RCVRN: variants seen among roughly 807,000 people sequenced by gnomAD.
The protein encoded by RCVRN is cancer associated retinopathy antigen.
A neutral mutation model predicts 20.4 loss-of-function variants in RCVRN; 23 were observed. The observed-to-expected ratio is 1.13, with a 90% CI of 0.81 to 1.60. RCVRN has a LOEUF of 1.60. Among genes scored for constraint, RCVRN ranks in the 40% most tolerant of loss-of-function variants. The pLI, the probability that RCVRN is intolerant of heterozygous loss-of-function variation, is 0.00. For synonymous variants in RCVRN, 105 were observed against 105.9 expected (o/e 0.99, Z 0.05); for missense variants, 254 against 254.2 (o/e 1.00, Z 0.00).
intron 1 of RCVRN, among the ~76,000 whole-genome samples, chr17:9,903,831 A>G (rs2067351488): frequency 6.6e-6 from 1 of 152,174 alleles, no homozygotes; most frequent in South Asian, 2.1e-4. Flanking sequence ...TAGGCTACAA[A>G]CCTGTGCAGC....
rs914526512 is a variant in RCVRN at position 9,904,990 on chromosome 17, G to A, written c.191C>T (p.Ala64Val). ...AKFFPDTDPK[A>V]YAQHVFRSFD... The stretch of plus-strand genomic sequence containing the variant: ...GCTGCGGAACACATGCTGGGCGTAG[G>A]CCTTGGGGTCGGTGTCGGGGAAGAA... The change falls in exon 1 of 3, where the codon GCC becomes GTC. Residue 64 changes from alanine to valine, a missense_variant. Coordinates refer to ENST00000226193, the MANE Select transcript of RCVRN (RefSeq NM_002903.3). The surrounding 1 kb of genome is among the most constrained non-coding windows in gnomAD (Gnocchi z 5.8). The A allele has an allele frequency of 6.2e-7, 1 of 1,614,078 alleles. No homozygotes were observed. The highest frequency in any genetic ancestry group is 2.2e-5 in the East Asian group (1 of 44,884).
chr17:9,905,100 C>A lies in RCVRN; in HGVS notation c.81G>T (p.Glu27Asp), dbSNP rs1177104213. 1.8e-5 allele frequency: 29 copies of A among 1,609,850 alleles called. No homozygotes were observed. Among genetic ancestry groups the A allele is most frequent in the Non-Finnish European group, 2.4e-5 (28 of 1,178,250 alleles). Reference sequence around the variant, plus strand: ...GGAAGGACTGGTACCAGGAGCACAGCTCCTCCTCCGAGAACTTGGTGTTCA... The same window carrying A: ...GGAAGGACTGGTACCAGGAGCACAGATCCTCCTCCGAGAACTTGGTGTTCA... ...LQLNTKFSEE[E>D]LCSWYQSFLK... Residue 27 changes from glutamate (E) to aspartate (D), a missense_variant, in exon 1 of 3, where the codon GAG becomes GAT. Physicochemically the swap from Glu to Asp is conservative, Grantham distance 45. Coordinates refer to ENST00000226193, the MANE Select transcript of RCVRN (RefSeq NM_002903.3).
In RCVRN at chr17:9,898,172, T is replaced by TC; in HGVS notation, c.525dup (p.Thr176AspfsTer5). On this transcript the variant is annotated frameshift_variant, in exon 3 of 3. Transcript: ENST00000226193. Reference sequence around the variant, plus strand: ...CGCAGAATTTCCTTATTGGCCAGTGTCCCCTCAATGAATTCTTTCTCTGTA... The same window carrying TC: ...CGCAGAATTTCCTTATTGGCCAGTGTCCCCCTCAATGAATTCTTTCTCTGTA... The TC allele has an allele frequency of 6.2e-7, 1 of 1,613,496 alleles. No individual in the cohort carries two copies. Among genetic ancestry groups the TC allele is most frequent in the Non-Finnish European group, 8.5e-7 (1 of 1,179,426 alleles).
rs2067319928 is a variant in RCVRN at position 9,897,041 on chromosome 17, A to G, written c.*1054T>C. The G allele has an allele frequency of 6.6e-6, 1 of 152,286 alleles. No homozygotes were observed. The allele number at this position is 152,286 out of a possible 1,614,324, so 9.4% of individuals were successfully genotyped here. ...TCTGAGTGGCTGCAAAAGCTTATTCATCGGGCTCCCTGACTCCAGGGAGCC... is the reference window on the plus strand; with the variant it reads ...TCTGAGTGGCTGCAAAAGCTTATTCGTCGGGCTCCCTGACTCCAGGGAGCC... On this transcript the variant is annotated 3_prime_UTR_variant, in exon 3 of 3. Coordinates refer to ENST00000226193, the MANE Select transcript of RCVRN (RefSeq NM_002903.3).
At position 9,899,762 on chromosome 17, in the gene RCVRN, C is replaced by T. The variant is rs916374683; in HGVS notation, c.493+1227G>A. ...TGAGTGCATTGTTGACCCCTGAGAA[C>T]GAGCGCCTCCTTAAATTCTGTGTCC... On this transcript the variant is annotated intron_variant, in intron 2 of 2. Coordinates refer to ENST00000226193, the MANE Select transcript of RCVRN (RefSeq NM_002903.3). The surrounding 1 kb of genome is among the most constrained non-coding windows in gnomAD (Gnocchi z 4.6). Among the ~76,000 whole-genome samples the T allele has an allele frequency of 1.3e-5, 2 of 152,180 alleles. No homozygotes were observed. Among genetic ancestry groups the T allele is most frequent in the East Asian group, 1.9e-4 (1 of 5,188 alleles).
In RCVRN at chr17:9,905,132, G is replaced by T. The variant is rs770919366; in HGVS notation, c.49C>A (p.Leu17Met). ...TCCGAGAACTTGGTGTTCAGCTGCA[G>T]CTCCTCCAGGATCTCCTTGGACAGG... ...GALSKEILEE[L>M]QLNTKFSEEE... Residue 17 changes from leucine (L) to methionine (M), a missense_variant, in exon 1 of 3, where the codon CTG becomes ATG. By Grantham distance (15) the Leu-to-Met change is conservative (BLOSUM62 2). Transcript: ENST00000226193. The T allele has an allele frequency of 6.2e-7, 1 of 1,610,830 alleles. No homozygotes were observed. The highest frequency in any genetic ancestry group is 8.5e-7 in the Non-Finnish European group (1 of 1,178,826).
rs56190408 is a variant in RCVRN at position 9,899,702 on chromosome 17, C to T, written c.493+1287G>A. ...GGGAAAGGTGGGTAAAGTACCAAGG[C>T]GCGAATTTAAGGAGGCGCTCACTTT... On this transcript the variant is annotated intron_variant, in intron 2 of 2. Coordinates refer to ENST00000226193, the MANE Select transcript of RCVRN (RefSeq NM_002903.3). This position sits in a 1 kb window ranked among gnomAD's most constrained non-coding sequence, Gnocchi z 4.6. Among the ~76,000 whole-genome samples, 7,838 of 152,258 alleles carry T rather than the reference C, an allele frequency of 0.051. 221 individuals carry two copies. Among genetic ancestry groups the T allele is most frequent in the South Asian group, 0.074 (356 of 4,820 alleles).
chr17:9,899,806 A>G lies in RCVRN; in HGVS notation c.493+1183T>C, dbSNP rs770396342. ...TGTGTCCTATGTTCCTCCTACCCCA[A>G]TGACCTTCATGCTTCTCTTATTTCA... On this transcript the variant is annotated intron_variant, in intron 2 of 2. Coordinates refer to ENST00000226193, the MANE Select transcript of RCVRN (RefSeq NM_002903.3). This position sits in a 1 kb window ranked among gnomAD's most constrained non-coding sequence, Gnocchi z 4.6. Among the ~76,000 whole-genome samples, 1 of 152,158 alleles carries G rather than the reference A, an allele frequency of 6.6e-6. No individual in the cohort carries two copies. The highest frequency in any genetic ancestry group is 1.5e-5 in the Non-Finnish European group (1 of 68,008).
At chr17:9,898,591 A>G (rs2152054065) in intron 2 of RCVRN, among the ~76,000 whole-genome samples, 1 of 152,342 alleles carries the variant, frequency 6.6e-6, no homozygotes, top group African/African-American at 2.4e-5. Context: ...TTCAAGGATC[A>G]AGTTCAGGAG....
At chr17:9,903,152 A>G (rs1444440520) in intron 1 of RCVRN, among the ~76,000 whole-genome samples, 3 of 152,250 alleles carry the variant, frequency 2.0e-5, no homozygotes, top group Non-Finnish European at 4.4e-5. Context: ...GTATATACTG[A>G]TATACTAAGA....
Position 9,904,904 on chromosome 17 carries a change from T to C in RCVRN, c.277A>G (p.Thr93Ala), listed in dbSNP as rs1597416458. Residue 93 changes from threonine to alanine, a missense_variant, in exon 1 of 3, where the codon ACC becomes GCC. By Grantham distance (58) the Thr-to-Ala change is moderately conservative (BLOSUM62 0). Coordinates refer to ENST00000226193, the MANE Select transcript of RCVRN (RefSeq NM_002903.3). This position sits in a 1 kb window ranked among gnomAD's most constrained non-coding sequence, Gnocchi z 5.8. ...TTCTGGTTGGTCTTGCCCGCGGTGG[T>C]CATGTGCAGGGCGATGACGTACTCC... is the stretch of plus-strand genomic sequence containing the variant. Reference protein sequence around the residue: ...FKEYVIALHMTTAGKTNQKLE... With the variant: ...FKEYVIALHMATAGKTNQKLE... 6.2e-7 allele frequency: 1 copy of C among 1,614,134 alleles called. No homozygotes were observed. The highest frequency in any genetic ancestry group is 8.5e-7 in the Non-Finnish European group (1 of 1,180,018).
chr17:9,897,930 G>A lies in RCVRN; in HGVS notation c.*165C>T. The A allele has an allele frequency of 1.6e-6, 1 of 613,504 alleles. No individual in the cohort carries two copies. The highest frequency in any genetic ancestry group is 2.9e-6 in the Non-Finnish European group (1 of 341,644). The allele number at this position is 613,504 out of a possible 1,614,324, so 38.0% of individuals were successfully genotyped here. A position where few individuals can be genotyped will look rare whatever the true frequency, so the allele number is the denominator to read the frequency against. ...TCACTACAGATGCTTCAGTTTGGCA[G>A]GGAGCTGTGCTGTGGGCTTGTGTGC... On this transcript the variant is annotated 3_prime_UTR_variant, in exon 3 of 3. Coordinates refer to ENST00000226193, the MANE Select transcript of RCVRN (RefSeq NM_002903.3).
rs749325346 is a variant in RCVRN at position 9,904,927 on chromosome 17, T to A, written c.254A>T (p.Glu85Val). The change falls in exon 1 of 3, where the codon GAG becomes GTG. Residue 85 changes from glutamate (E) to valine (V), a missense_variant. Glu to Val is a moderately radical substitution (Grantham distance 121). Coordinates refer to ENST00000226193, the MANE Select transcript of RCVRN (RefSeq NM_002903.3). The surrounding 1 kb of genome is among the most constrained non-coding windows in gnomAD (Gnocchi z 5.8). ...GGTCATGTGCAGGGCGATGACGTAC[T>A]CCTTGAAGTCCAGGGTGCCGTCGAG... ...SNLDGTLDFK[E>V]YVIALHMTTA... 23 of 1,614,096 alleles carry A rather than the reference T, an allele frequency of 1.4e-5. No homozygotes were observed. Among genetic ancestry groups the A allele is most frequent in the Non-Finnish European group, 1.9e-5 (22 of 1,180,044 alleles).
rs994805694 is a variant in RCVRN at position 9,899,049 on chromosome 17, G to A, written c.494-845C>T. On this transcript the variant is annotated intron_variant, in intron 2 of 2. Transcript: ENST00000226193. This position sits in a 1 kb window ranked among gnomAD's most constrained non-coding sequence, Gnocchi z 4.6. ...GAGGCGGGGTGTACAATAGAAGAGA[G>A]TGAGATGAAGTCCCTCCCTGGGAAA... Among the ~76,000 whole-genome samples, 10 of 152,184 alleles carry A rather than the reference G, an allele frequency of 6.6e-5. No individual in the cohort carries two copies. The highest frequency in any genetic ancestry group is 1.5e-5 in the Non-Finnish European group (1 of 68,030).
At position 9,896,466 on chromosome 17, in the gene RCVRN, G is replaced by A. The variant is rs1342430253; in HGVS notation, c.*1629C>T. ...AACTAGAGACTCCTCAGCCTCAAGA[G>A]GTTGCAGACAGGTCAGTCAAGAATC... is the stretch of plus-strand genomic sequence containing the variant. On this transcript the variant is annotated 3_prime_UTR_variant, in exon 3 of 3. Coordinates refer to ENST00000226193, the MANE Select transcript of RCVRN (RefSeq NM_002903.3). 6.6e-6 allele frequency: 1 copy of A among 152,214 alleles called. No homozygotes were observed. Among genetic ancestry groups the A allele is most frequent in the Non-Finnish European group, 1.5e-5 (1 of 68,040 alleles). The allele number at this position is 152,214 out of a possible 1,614,324, so 9.4% of individuals were successfully genotyped here.
At chr17:9,900,029 T>C (rs2067334589) in intron 2 of RCVRN, among the ~76,000 whole-genome samples, 1 of 151,900 alleles carries the variant, frequency 6.6e-6, no homozygotes, top group South Asian at 2.1e-4. Context: ...AAAGTCTTCA[T>C]GGCTGGCTTC....
chr17:9,898,441 G>A (rs2067328311), intron 2 of RCVRN, among the ~76,000 whole-genome samples: 1 of 152,210 alleles, frequency 6.6e-6, no homozygotes, highest in Admixed American at 6.5e-5. Context: ...TGAATGACTG[G>A]CACTGGGGGG....
rs1485298833 is a variant in RCVRN at position 9,904,176 on chromosome 17, G to T, written c.381+624C>A. ...GAATTGCTTGAACTCGGGAGGCAGA[G>T]GTTGCAGTGAGCCAAGATCGCACTA... On this transcript the variant is annotated intron_variant, in intron 1 of 2. Coordinates refer to ENST00000226193, the MANE Select transcript of RCVRN (RefSeq NM_002903.3). The surrounding 1 kb of genome is among the most constrained non-coding windows in gnomAD (Gnocchi z 5.8). Among the ~76,000 whole-genome samples the T allele has an allele frequency of 1.3e-5, 2 of 152,186 alleles. No individual in the cohort carries two copies. The highest frequency in any genetic ancestry group is 4.8e-5 in the African/African-American group (2 of 41,442).
chr17:9,900,422 T>C (rs2067336154), intron 2 of RCVRN, among the ~76,000 whole-genome samples: 1 of 152,146 alleles, frequency 6.6e-6, no homozygotes, highest in Non-Finnish European at 1.5e-5. Context: ...ATCGACTCTG[T>C]CAACACTTCC....
Sources: allele counts gnomAD v4.1 joint callset (sites outside exome capture counted in the v4.1 genomes callset), GRCh38; gene constraint gnomAD v4.1.1; non-coding constraint Gnocchi (gnomAD v3.1); transcripts MANE v1.5; gene names NCBI Gene and HGNC (gene_info 2026-07-23, HGNC 2026-07-21).